The following HS3ST4 variants were observed in gnomAD, a reference collection of about 807,000 sequenced individuals.
The protein encoded by HS3ST4 is heparan sulfate-glucosamine 3-sulfotransferase 4.
In HS3ST4, 17 loss-of-function variants were observed where a neutral mutation model predicts 29.2. The ratio of observed to expected loss-of-function variants is 0.58; its 90% CI spans 0.40 to 0.87. The LOEUF (loss-of-function observed/expected upper bound fraction) is 0.87, where lower values mean the gene tolerates loss of function less well. Ranked by LOEUF, HS3ST4 falls within the 40% of genes least tolerant of loss-of-function variation. The probability of loss-of-function intolerance (pLI) is 0.00; values close to 1 mark genes in which losing one functional copy is unlikely to be tolerated. For synonymous variants in HS3ST4, 314 were observed against 285.7 expected (o/e 1.10, Z -1.00); for missense variants, 627 against 634.5 (o/e 0.99, Z 0.13).
At chr16:25,828,278 TTC>T (rs1264180544) in intron 1 of HS3ST4, among the ~76,000 whole-genome samples, 1 of 87,784 alleles carries the variant, frequency 1.1e-5, no homozygotes. Context: ...CTTTCTTTCT[TTC>T]TTTCTTTCTT....
chr16:25,882,327 T>A (rs139129694), intron 1 of HS3ST4, among the ~76,000 whole-genome samples: 1 of 152,148 alleles, frequency 6.6e-6, no homozygotes, highest in Non-Finnish European at 1.5e-5. Flanking sequence ...TTGGAGACTT[T>A]GGGACATAGT....
chr16:25,887,799 G>T (rs781719509), intron 1 of HS3ST4, among the ~76,000 whole-genome samples: 1 of 145,070 alleles, frequency 6.9e-6, no homozygotes, highest in Admixed American at 7.2e-5. Flanking sequence ...CCAGGTTCAC[G>T]CCATTCTCCT....
intron 1 of HS3ST4, among the ~76,000 whole-genome samples, chr16:26,099,216 G>A (rs972342362): frequency 6.6e-6 from 1 of 152,168 alleles, no homozygotes; most frequent in Non-Finnish European, 1.5e-5. Context: ...GTGCAATGGT[G>A]CAGTCACAGT....
rs150791912 is a variant in HS3ST4, at chr16:25,921,565, G to C, written c.735-214047G>C. ...GAAAGTCAGAAAGCAACATTACTTT[G>C]CCTTATGGAGACTGAAGGATTTTTT... On this transcript the variant is annotated intron_variant, in intron 1 of 1. Transcript: ENST00000331351. Among the ~76,000 whole-genome samples the C allele has an allele frequency of 5.1e-3, 772 of 152,236 alleles. 12 individuals are homozygous for C. Among genetic ancestry groups the C allele is most frequent in the African/African-American group, 0.018 (752 of 41,538 alleles).
chr16:25,717,374 G>A (rs1160871238), intron 1 of HS3ST4, among the ~76,000 whole-genome samples: 1 of 152,090 alleles, frequency 6.6e-6, no homozygotes, highest in Non-Finnish European at 1.5e-5. Context: ...ACAATACCCA[G>A]TACTGTAAGA....
At chr16:25,938,623 G>A (rs887823638) in intron 1 of HS3ST4, among the ~76,000 whole-genome samples, 1 of 151,764 alleles carries the variant, frequency 6.6e-6, no homozygotes, top group African/African-American at 2.4e-5. Context: ...AAAGCAAAAG[G>A]CCATTTTTAA....
At chr16:26,110,784 A>C (rs918602342) in intron 1 of HS3ST4, among the ~76,000 whole-genome samples, 2 of 152,104 alleles carry the variant, frequency 1.3e-5, no homozygotes, top group Non-Finnish European at 2.9e-5. Flanking sequence ...TTCATCATCT[A>C]GTCTTGCACT....
intron 1 of HS3ST4, among the ~76,000 whole-genome samples, chr16:25,708,003 T>A (rs1482283637): frequency 6.6e-6 from 1 of 152,182 alleles, no homozygotes; most frequent in African/African-American, 2.4e-5. Context: ...CCATAGTTAC[T>A]CCACACCCAC....
At chr16:25,982,457 T>TA in intron 1 of HS3ST4, among the ~76,000 whole-genome samples, 2 of 152,196 alleles carry the variant, frequency 1.3e-5, no homozygotes, top group African/African-American at 4.8e-5. Flanking sequence ...TGTCTGGATT[T>TA]ACTTTTTGGG....
At chr16:25,972,221 G>A (rs1017713071) in intron 1 of HS3ST4, among the ~76,000 whole-genome samples, 1 of 152,298 alleles carries the variant, frequency 6.6e-6, no homozygotes, top group East Asian at 1.9e-4. Context: ...TGTAACAGGC[G>A]GTTGTATGGG....
intron 1 of HS3ST4, among the ~76,000 whole-genome samples, chr16:26,115,397 C>G (rs1226489680): frequency 6.6e-6 from 1 of 152,022 alleles, no homozygotes; most frequent in African/African-American, 2.4e-5. Context: ...AAGACTTTAA[C>G]TCCAACGCAG....
intron 1 of HS3ST4, among the ~76,000 whole-genome samples, chr16:25,929,634 C>T (rs572549664): frequency 3.3e-5 from 5 of 152,178 alleles, no homozygotes; most frequent in South Asian, 4.2e-4. Flanking sequence ...ACTCTGTGGA[C>T]GCATTTGGAG....
intron 1 of HS3ST4, among the ~76,000 whole-genome samples, chr16:25,724,709 C>CG (rs1393952824): frequency 6.6e-6 from 1 of 152,102 alleles, no homozygotes; most frequent in African/African-American, 2.4e-5. Flanking sequence ...ACAGCGAAGT[C>CG]ATCACCTGAA....
chr16:25,923,787 A>G (rs1440165524), intron 1 of HS3ST4, among the ~76,000 whole-genome samples: 2 of 152,044 alleles, frequency 1.3e-5, no homozygotes, highest in Non-Finnish European at 2.9e-5. Flanking sequence ...TTTTCCAGTA[A>G]GTCAATATTT....
In HS3ST4 at chr16:25,751,659, T is replaced by C. The variant is rs150577988; in HGVS notation, c.734+58508T>C. ...TTCACACTGTGCTAAACAGGAATCA[T>C]ATTTGTTACTATGCTGAAGAACATC... On this transcript the variant is annotated intron_variant, in intron 1 of 1. Transcript: ENST00000331351. Among the ~76,000 whole-genome samples, 388 of 152,322 alleles carry C rather than the reference T, an allele frequency of 2.5e-3. 2 individuals are homozygous for C. Among genetic ancestry groups the C allele is most frequent in the African/African-American group, 8.7e-3 (363 of 41,562 alleles).
intron 1 of HS3ST4, among the ~76,000 whole-genome samples, chr16:26,114,158 G>A (rs777064697): frequency 9.9e-5 from 15 of 152,146 alleles, no homozygotes; most frequent in Non-Finnish European, 1.8e-4. Flanking sequence ...TGCAGGTGGT[G>A]TGGGGCAAGT....
intron 1 of HS3ST4, among the ~76,000 whole-genome samples, chr16:25,782,596 C>A (rs1021308647): frequency 2.6e-5 from 4 of 152,108 alleles, no homozygotes; most frequent in African/African-American, 4.8e-5. Flanking sequence ...TCTCTGGTGT[C>A]TCAGGATTAT....
chr16:25,715,354 A>G (rs1966446916), intron 1 of HS3ST4, among the ~76,000 whole-genome samples: 1 of 151,140 alleles, frequency 6.6e-6, no homozygotes, highest in East Asian at 1.9e-4. Context: ...AACCAAAAAA[A>G]AAAAAAACTC....
chr16:25,881,545 T>C (rs926753804), intron 1 of HS3ST4, among the ~76,000 whole-genome samples: 20 of 152,106 alleles, frequency 1.3e-4, no homozygotes, highest in African/African-American at 4.8e-4. Flanking sequence ...AGAGGCAAAC[T>C]CCAGGTGAAG....
Sources: allele counts gnomAD v4.1 joint callset (sites outside exome capture counted in the v4.1 genomes callset), GRCh38; gene constraint gnomAD v4.1.1; transcripts MANE v1.5; gene names NCBI Gene and HGNC (gene_info 2026-07-23, HGNC 2026-07-21).